ZNF431: variants seen among roughly 807,000 people sequenced by gnomAD.
ZNF431 encodes zinc finger protein 431.
A neutral mutation model predicts 57.0 loss-of-function variants in ZNF431; 34 were observed. The observed-to-expected ratio is 0.60, with a 90% CI of 0.45 to 0.79. ZNF431 has a LOEUF of 0.79. Among genes scored for constraint, ZNF431 ranks in the 30% least tolerant of loss-of-function variants. The pLI is 0.00. For synonymous variants in ZNF431, 207 were observed against 220.3 expected (o/e 0.94, Z 0.54); for missense variants, 607 against 667.1 (o/e 0.91, Z 0.99).
At chr19:21,160,123 C>T (rs1455806900) in intron 2 of ZNF431, among the ~76,000 whole-genome samples, 1 of 151,984 alleles carries the variant, frequency 6.6e-6, no homozygotes, top group African/African-American at 2.4e-5. Context: ...AGAATCTGCA[C>T]ATAACATCTT....
intron 2 of ZNF431, chr19:21,150,143 T>C: frequency 1.6e-6 from 1 of 619,046 alleles, no homozygotes; most frequent in African/African-American, 1.8e-5. Context: ...TGGTCTGTAC[T>C]TGTAGGCTAG....
intron 2 of ZNF431, among the ~76,000 whole-genome samples, chr19:21,146,253 CAT>C (rs1970090982): frequency 6.6e-6 from 1 of 151,496 alleles, no homozygotes; most frequent in African/African-American, 2.4e-5. Context: ...CTACTAAAAA[CAT>C]AAAAATTAGC....
rs1475913299 is a variant in ZNF431, at chr19:21,190,626, CTT to C, written c.*6595_*6596del. ...ATATATCCGTTGGACATATGTATGA[CTT>C]TTCTTGAAAAATATTTATTTCAGCT... is the stretch of plus-strand genomic sequence containing the variant. On this transcript the variant is annotated 3_prime_UTR_variant, in exon 5 of 5. Transcript: ENST00000311048. The C allele has an allele frequency of 6.9e-6, 1 of 145,596 alleles. No individual in the cohort carries two copies. Among genetic ancestry groups the C allele is most frequent in the Non-Finnish European group, 1.5e-5 (1 of 66,552 alleles). The allele number at this position is 145,596 out of a possible 1,614,324, so 9.0% of individuals were successfully genotyped here. A position where few individuals can be genotyped will look rare whatever the true frequency, so the allele number is the denominator to read the frequency against.
At position 21,195,375 on chromosome 19, in the gene ZNF431, A is replaced by G. The variant is rs919180352; in HGVS notation, c.*11341A>G. The stretch of plus-strand genomic sequence containing the variant: ...TGCCAGCTCTTGCCATCTAACTACC[A>G]TTAAAAGGAACTTCTAAAGCTCCGA... On this transcript the variant is annotated 3_prime_UTR_variant, in exon 5 of 5. Transcript: ENST00000311048. 9 of 152,224 alleles carry G rather than the reference A, an allele frequency of 5.9e-5. No homozygotes were observed. The highest frequency in any genetic ancestry group is 1.9e-4 in the African/African-American group (8 of 41,452). 9.4% of individuals were successfully genotyped at this position (152,224 alleles called of 1,614,324 possible). A position where few individuals can be genotyped will look rare whatever the true frequency, so the allele number is the denominator to read the frequency against.
chr19:21,194,103 G>C lies in ZNF431; in HGVS notation c.*10069G>C, dbSNP rs1365530560. ...CACTCATGATATAATTCTCTACCTA[G>C]AAAACTTTAAGGATTTTACCAAAAG... On this transcript the variant is annotated 3_prime_UTR_variant, in exon 5 of 5. Coordinates refer to ENST00000311048, the MANE Select transcript of ZNF431 (RefSeq NM_133473.4). 1 of 152,114 alleles carries C rather than the reference G, an allele frequency of 6.6e-6. No individual in the cohort carries two copies. Among genetic ancestry groups the C allele is most frequent in the Non-Finnish European group, 1.5e-5 (1 of 68,018 alleles). 9.4% of individuals were successfully genotyped at this position (152,114 alleles called of 1,614,324 possible).
At position 21,189,992 on chromosome 19, in the gene ZNF431, AAAC is replaced by A. The variant is rs1971473312; in HGVS notation, c.*5964_*5966del. The A allele has an allele frequency of 5.0e-6, 2 of 396,196 alleles. No individual in the cohort carries two copies. The highest frequency in any genetic ancestry group is 7.1e-5 in the East Asian group (2 of 28,006). 24.5% of individuals were successfully genotyped at this position (396,196 alleles called of 1,614,324 possible). On this transcript the variant is annotated 3_prime_UTR_variant, in exon 5 of 5. Coordinates refer to ENST00000311048, the MANE Select transcript of ZNF431 (RefSeq NM_133473.4). ...AACCCCATCTCTACTAAAAATACAA[AAAC>A]AACAAAACAAAAACAAAAAACACCT...
Position 21,194,473 on chromosome 19 carries a change from CT to C in ZNF431, c.*10454del, listed in dbSNP as rs766173181. On this transcript the variant is annotated 3_prime_UTR_variant, in exon 5 of 5. Transcript: ENST00000311048. ...TGTTTTTTTATCAAAATGTCGATTA[CT>C]TTTTTTTTTTTTTTGAGACAGTGTT... 0.03 allele frequency: 4,225 copies of C among 142,744 alleles called. 44 individuals are homozygous for C. The highest frequency in any genetic ancestry group is 0.034 in the Non-Finnish European group (2,222 of 64,666). The allele number at this position is 142,744 out of a possible 1,614,324, so 8.8% of individuals were successfully genotyped here. A position where few individuals can be genotyped will look rare whatever the true frequency, so the allele number is the denominator to read the frequency against.
In ZNF431 at chr19:21,184,323, T is replaced by C. The variant is rs760589919; in HGVS notation, c.*289T>C. 1 of 240,400 alleles carries C rather than the reference T, an allele frequency of 4.2e-6. No homozygotes were observed. Among genetic ancestry groups the C allele is most frequent in the Non-Finnish European group, 8.0e-6 (1 of 124,562 alleles). The allele number at this position is 240,400 out of a possible 1,614,324, so 14.9% of individuals were successfully genotyped here. A position where few individuals can be genotyped will look rare whatever the true frequency, so the allele number is the denominator to read the frequency against. On this transcript the variant is annotated 3_prime_UTR_variant, in exon 5 of 5. Transcript: ENST00000311048. ...CAAGATTGTACCACTGCACTCCAGT[T>C]TGGCAACAGAGTGAGACTCCGTCTC...
At position 21,195,696 on chromosome 19, in the gene ZNF431, G is replaced by T. The variant is rs1446938971; in HGVS notation, c.*11662G>T. 6.6e-6 allele frequency: 1 copy of T among 152,054 alleles called. No individual in the cohort carries two copies. Among genetic ancestry groups the T allele is most frequent in the African/African-American group, 2.4e-5 (1 of 41,414 alleles). 9.4% of individuals were successfully genotyped at this position (152,054 alleles called of 1,614,324 possible). On this transcript the variant is annotated 3_prime_UTR_variant, in exon 5 of 5. Coordinates refer to ENST00000311048, the MANE Select transcript of ZNF431 (RefSeq NM_133473.4). Reference sequence around the variant, plus strand: ...CTCTTGTGGTGGCATATAGTTGATTGTCATTTGCATTATCTATTAAAAACC... The same window carrying T: ...CTCTTGTGGTGGCATATAGTTGATTTTCATTTGCATTATCTATTAAAAACC...
rs545710099 is a variant in ZNF431, at chr19:21,179,862, A to G, written c.320-2761A>G. On this transcript the variant is annotated intron_variant, in intron 4 of 4. Transcript: ENST00000311048. The stretch of plus-strand genomic sequence containing the variant: ...TGTGTGAGCCACCACGCCCGGCTAC[A>G]TTGTCTCTTCATTCTCATTGGTTTC... Among the ~76,000 whole-genome samples, 3 of 152,112 alleles carry G rather than the reference A, an allele frequency of 2.0e-5. No individual in the cohort carries two copies. The East Asian group carries it at 5.8e-4, about 29-fold the overall frequency.
chr19:21,183,128 TACTAC>T lies in ZNF431; in HGVS notation c.828_832del (p.Thr277Ter). 2 of 1,613,908 alleles carry T rather than the reference TACTAC, an allele frequency of 1.2e-6. No homozygotes were observed. The highest frequency in any genetic ancestry group is 1.7e-6 in the Non-Finnish European group (2 of 1,179,946). On this transcript the variant is annotated frameshift_variant, in exon 5 of 5. Coordinates refer to ENST00000311048, the MANE Select transcript of ZNF431 (RefSeq NM_133473.4). LOFTEE classifies it high-confidence loss of function. ...AAGCTTTTAAGCAGTCCTCAACCCTTACTACACATAAGATAATTCATACTGGGGAG... is the reference window on the plus strand; with the variant it reads ...AAGCTTTTAAGCAGTCCTCAACCCTTACATAAGATAATTCATACTGGGGAG...
chr19:21,168,720 T>A (rs1014019800), intron 4 of ZNF431, among the ~76,000 whole-genome samples: 1 of 152,132 alleles, frequency 6.6e-6, no homozygotes, highest in Admixed American at 6.6e-5. Context: ...TTCATTGATA[T>A]ATATTTCATT....
chr19:21,175,565 T>TTTTTTTCAG, intron 4 of ZNF431: 1 of 565,004 alleles, frequency 1.8e-6, no homozygotes, highest in South Asian at 2.3e-5. Context: ...ATTAGCTATT[T>TTTTTTTCAG]ATCCTGATTC....
intron 2 of ZNF431, chr19:21,150,419 G>A: frequency 3.7e-6 from 1 of 272,030 alleles, no homozygotes; most frequent in South Asian, 4.3e-5. Flanking sequence ...CTTCCCCTAG[G>A]CCTTCTTTCC....
intron 2 of ZNF431, among the ~76,000 whole-genome samples, chr19:21,153,598 T>G (rs1191075692): frequency 1.3e-5 from 2 of 152,254 alleles, no homozygotes; most frequent in East Asian, 3.8e-4. Flanking sequence ...TTTCTTCCAT[T>G]TGACTTTTCC....
intron 3 of ZNF431, among the ~76,000 whole-genome samples, chr19:21,167,301 A>G (rs1970749482): frequency 6.6e-6 from 1 of 151,664 alleles, no homozygotes; most frequent in Non-Finnish European, 1.5e-5. Context: ...CTGGGACTAC[A>G]GGCACCTGCC....
At chr19:21,180,357 A>G (rs113380458) in intron 4 of ZNF431, among the ~76,000 whole-genome samples, 3 of 152,338 alleles carry the variant, frequency 2.0e-5, no homozygotes, top group African/African-American at 7.2e-5. Flanking sequence ...CAGGAGCTCT[A>G]GCAAGGCAGG....
rs550050007 is a variant in ZNF431 at position 21,143,962 on chromosome 19, C to T, written c.96+319C>T. ...AGTAAAATGCACCTGGAGCAGTCAC[C>T]GAGAAATACTGCAGTGTCTCCTGTA... On this transcript the variant is annotated intron_variant, in intron 2 of 4. Transcript: ENST00000311048. Among the ~76,000 whole-genome samples the T allele has an allele frequency of 3.9e-5, 6 of 152,020 alleles. No homozygotes were observed. In the East Asian group the frequency reaches 7.7e-4, roughly 20 times the overall value.
Position 21,184,987 on chromosome 19 carries a change from A to T in ZNF431, c.*953A>T, listed in dbSNP as rs1769422726. ...AACTTTGTTCAACATCAGGGAATTT[A>T]TATTGAAAAATTGTGCAAATATAAT... On this transcript the variant is annotated 3_prime_UTR_variant, in exon 5 of 5. Coordinates refer to ENST00000311048, the MANE Select transcript of ZNF431 (RefSeq NM_133473.4). The T allele has an allele frequency of 6.6e-6, 1 of 152,218 alleles. No individual in the cohort carries two copies. The highest frequency in any genetic ancestry group is 6.5e-5 in the Admixed American group (1 of 15,282). 9.4% of individuals were successfully genotyped at this position (152,218 alleles called of 1,614,324 possible). A position where few individuals can be genotyped will look rare whatever the true frequency, so the allele number is the denominator to read the frequency against.
Sources: gnomAD v4.1 joint callset for allele counts (sites outside exome capture counted in the v4.1 genomes callset) on GRCh38, gnomAD v4.1.1 for gene constraint, MANE v1.5 for transcripts, NCBI Gene and HGNC (gene_info 2026-07-23, HGNC 2026-07-21) for gene names.